The following CAT variants were observed in gnomAD, a reference collection of about 807,000 sequenced individuals.
CAT encodes the protein epididymis secretory sperm binding protein.
In CAT, 43 loss-of-function variants were observed where a neutral mutation model predicts 59.0. The ratio of observed to expected loss-of-function variants is 0.73; its 90% CI spans 0.57 to 0.94. The LOEUF (loss-of-function observed/expected upper bound fraction) is 0.94. Among genes scored for constraint, CAT ranks in the 40% least tolerant of loss-of-function variants. The pLI is 0.00. For synonymous variants in CAT, 218 were observed against 230.9 expected, an observed-to-expected ratio of 0.94 and a Z score of 0.51; for missense variants, 664 against 682.9, an observed-to-expected ratio of 0.97 and a Z score of 0.31.
chr11:34,449,482 A>G, intron 2 of CAT, 119 bp downstream of exon 2: 1 of 820,032 alleles, frequency 1.2e-6, no homozygotes, highest in Non-Finnish European at 2.0e-6. Context: ...TGTGGGAGAA[A>G]GGAAAAACAT....
Position 34,456,146 on chromosome 11 carries a change from G to A in CAT, c.847G>A (p.Val283Ile). Residue 283 changes from valine to isoleucine, a missense_variant, in exon 7 of 13, where the codon GTC (valine) becomes ATC (isoleucine). Physicochemically the swap from Val to Ile is conservative, Grantham distance 29. Transcript: ENST00000241052. ...KYPSWTFYIQ[V>I]MTFNQAETFP... is the part of the protein sequence containing the mutation. ...CCCCTCCTGGACTTTTTACATCCAGGTCATGACATTTAATCAGGCAGAAAC... is the reference window on the plus strand; with the variant it reads ...CCCCTCCTGGACTTTTTACATCCAGATCATGACATTTAATCAGGCAGAAAC... 6.2e-7 allele frequency: 1 copy of A among 1,614,050 alleles called. No homozygotes were observed. The highest frequency in any genetic ancestry group is 8.5e-7 in the Non-Finnish European group (1 of 1,179,982).
chr11:34,453,391 A>G (rs1015323531), intron 5 of CAT, among the ~76,000 whole-genome samples, 197 bp downstream of exon 5: 1 of 152,202 alleles, frequency 6.6e-6, no homozygotes, highest in Non-Finnish European at 1.5e-5. Context: ...GATGATGATG[A>G]TGATAGATAG....
intron 4 of CAT, 108 bp downstream of exon 4, chr11:34,452,315 G>A: frequency 9.4e-7 from 1 of 1,066,586 alleles, no homozygotes; most frequent in Non-Finnish European, 1.4e-6. Context: ...AGAAAAGAAT[G>A]CGAGTTGTCT....
At chr11:34,443,038 A>G (rs1856411052) in intron 1 of CAT, among the ~76,000 whole-genome samples, 1 of 152,222 alleles carries the variant, frequency 6.6e-6, no homozygotes, top group Admixed American at 6.5e-5. Context: ...ACTTTCTGAC[A>G]TTAAGATATT....
At chr11:34,441,899 G>A (rs1691066247) in intron 1 of CAT, among the ~76,000 whole-genome samples, 1 of 152,216 alleles carries the variant, frequency 6.6e-6, no homozygotes, top group Non-Finnish European at 1.5e-5. Context: ...GATTTATTGG[G>A]TCATAAGGTA....
Position 34,461,408 on chromosome 11 carries a change from G to A in CAT, c.1195+19G>A. The A allele has an allele frequency of 5.6e-6, 9 of 1,614,134 alleles. No homozygotes were observed. The highest frequency in any genetic ancestry group is 7.6e-6 in the Non-Finnish European group (9 of 1,180,008). On this transcript the variant is annotated intron_variant, in intron 9 of 12. Transcript: ENST00000241052. ...AATCAGGGTAGGCCTAAAGACGTTG[G>A]GCTCCCCCTGCGTGGGCAGAGGGCA... is the stretch of plus-strand genomic sequence containing the variant.
intron 6 of CAT, among the ~76,000 whole-genome samples, chr11:34,454,267 C>G (rs1232632217): frequency 6.6e-6 from 1 of 152,106 alleles, no homozygotes; most frequent in Non-Finnish European, 1.5e-5. Flanking sequence ...TGTCAGAAAA[C>G]AAAATTATAC....
intron 1 of CAT, among the ~76,000 whole-genome samples, chr11:34,445,360 G>T (rs1387526308): frequency 6.6e-6 from 1 of 151,432 alleles, no homozygotes; most frequent in Admixed American, 6.6e-5. Flanking sequence ...GGGTGTGGTG[G>T]TGGTCGCCTG....
In CAT at chr11:34,471,584, A is replaced by G; in HGVS notation, c.*151A>G. The G allele has an allele frequency of 2.8e-6, 2 of 702,348 alleles. No individual in the cohort carries two copies. The highest frequency in any genetic ancestry group is 5.2e-6 in the Non-Finnish European group (2 of 383,744). 43.5% of individuals were successfully genotyped at this position (702,348 alleles called of 1,614,324 possible). On this transcript the variant is annotated 3_prime_UTR_variant, in exon 13 of 13. Coordinates refer to ENST00000241052, the MANE Select transcript of CAT (RefSeq NM_001752.4). ...CACTTTCTATAGCAGATTGTGTAAC[A>G]ATTTTAATGCTATTTCCCCAGGGGA...
At chr11:34,461,514 C>A in intron 9 of CAT, 125 bp downstream of exon 9, 1 of 1,135,848 alleles carries the variant, frequency 8.8e-7, no homozygotes, top group Non-Finnish European at 1.3e-6. Context: ...AAGGTGCTCC[C>A]CAGGTGCTGC....
intron 4 of CAT, 39 bp downstream of exon 4, chr11:34,452,246 T>C (rs200846781): frequency 2.0e-5 from 32 of 1,595,268 alleles, no homozygotes; most frequent in Non-Finnish European, 2.7e-5. Context: ...AAATGTTTGT[T>C]GACTTAAATT....
chr11:34,441,135 ACTT>A (rs1856385244), intron 1 of CAT, among the ~76,000 whole-genome samples: 1 of 152,152 alleles, frequency 6.6e-6, no homozygotes, highest in African/African-American at 2.4e-5. Context: ...AAAACCGCTT[ACTT>A]CTTTTAGGCA....
At chr11:34,453,989 G>T (rs750035465) in intron 6 of CAT, 63 bp downstream of exon 6, 16 of 1,556,878 alleles carry the variant, frequency 1.0e-5, no homozygotes, top group Non-Finnish European at 1.4e-5. Context: ...TATTTTTCCT[G>T]AAGGATTGAG....
At chr11:34,452,288 C>T in intron 4 of CAT, 81 bp downstream of exon 4, 1 of 1,361,606 alleles carries the variant, frequency 7.3e-7, no homozygotes, top group Non-Finnish European at 1.1e-6. Context: ...TGAGGAGAAG[C>T]CGTGGGAAAG....
chr11:34,464,548 G>T (rs564429730), intron 10 of CAT, among the ~76,000 whole-genome samples: 2 of 152,124 alleles, frequency 1.3e-5, no homozygotes, highest in African/African-American at 4.8e-5. Context: ...TACAGCTTAC[G>T]TGGAGACAAA....
At chr11:34,470,767 A>G (rs1856764100) in intron 11 of CAT, 191 bp from the exon 12 acceptor site, 2 of 663,720 alleles carry the variant, frequency 3.0e-6, no homozygotes, top group East Asian at 5.5e-5. Flanking sequence ...TTGCTCAGCC[A>G]GTATATGTCA....
Position 34,453,266 on chromosome 11 carries a change from G to C in CAT, c.585+72G>C, listed in dbSNP as rs1590302816. 4 of 928,580 alleles carry C rather than the reference G, an allele frequency of 4.3e-6. No individual in the cohort carries two copies. In the Admixed American group the frequency reaches 5.1e-5, roughly 12 times the overall value. 57.5% of individuals were successfully genotyped at this position (928,580 alleles called of 1,614,324 possible). A position where few individuals can be genotyped will look rare whatever the true frequency, so the allele number is the denominator to read the frequency against. On this transcript the variant is annotated intron_variant, in intron 5 of 12. Transcript: ENST00000241052. ...GTTTAATTATGCCTCTTCATAAAGT[G>C]TCTCTCCAGTTTTGGCTATTTTATT...
At chr11:34,465,678 A>G (rs947144226) in intron 10 of CAT, among the ~76,000 whole-genome samples, 1 of 152,238 alleles carries the variant, frequency 6.6e-6, no homozygotes, top group Non-Finnish European at 1.5e-5. Context: ...GATTCATAGC[A>G]TAATTCTGTG....
At position 34,453,445 on chromosome 11, in the gene CAT, A is replaced by C. The variant is rs1856552994; in HGVS notation, c.585+251A>C. 2.0e-5 allele frequency among the ~76,000 whole-genome samples: 3 copies of C among 152,228 alleles called. No individual in the cohort carries two copies. In the South Asian group the frequency reaches 6.2e-4, roughly 31 times the overall value. ...GATATTTAGCAGTAGTAAGGATGAA[A>C]GTCTGTAGTGTAAGGTAAAGCTCTG... On this transcript the variant is annotated intron_variant, in intron 5 of 12. Transcript: ENST00000241052.
Sources: allele counts gnomAD v4.1 joint callset (sites outside exome capture counted in the v4.1 genomes callset), GRCh38; gene constraint gnomAD v4.1.1; transcripts MANE v1.5; gene names NCBI Gene and HGNC (gene_info 2026-07-23, HGNC 2026-07-21).